The following NSUN6 variants were observed in gnomAD, a reference collection of about 807,000 sequenced individuals.
The protein encoded by NSUN6 is tRNA (cytosine(72)-C(5))-methyltransferase NSUN6.
In NSUN6, 64 loss-of-function variants were observed where a neutral mutation model predicts 58.0. The ratio of observed to expected loss-of-function variants is 1.10; its 90% CI spans 0.90 to 1.36. The LOEUF is 1.36. Among genes scored for constraint, NSUN6 ranks in the 40% most tolerant of loss-of-function variants. NSUN6 has a pLI of 0.00. For synonymous variants in NSUN6, 231 were observed against 193.9 expected (o/e 1.19, Z -1.59); for missense variants, 701 against 550.1 (o/e 1.27, Z -2.74).
intron 7 of NSUN6, among the ~76,000 whole-genome samples, chr10:18,594,954 G>T (rs146932533): frequency 6.6e-6 from 1 of 152,282 alleles, no homozygotes; most frequent in Non-Finnish European, 1.5e-5. Context: ...AGTTGGACTT[G>T]CTCTGCTTTG....
At chr10:18,565,666 ATTCCATTCCATTCTTCC>A in intron 8 of NSUN6, among the ~76,000 whole-genome samples, 1 of 147,744 alleles carries the variant, frequency 6.8e-6, no homozygotes, top group African/African-American at 2.5e-5. Flanking sequence ...TTTCCACTAC[ATTCCATTCCATTCTTCC>A]TTCCATTCCA....
In NSUN6 at chr10:18,545,783, C is replaced by T. The variant is rs886698802; in HGVS notation, c.*150G>A. The T allele has an allele frequency of 2.9e-5, 18 of 631,048 alleles. No individual in the cohort carries two copies. Among genetic ancestry groups the T allele is most frequent in the Non-Finnish European group, 5.0e-5 (18 of 363,246 alleles). 39.1% of individuals were successfully genotyped at this position (631,048 alleles called of 1,614,324 possible). A position where few individuals can be genotyped will look rare whatever the true frequency, so the allele number is the denominator to read the frequency against. ...ACCACCCCCTACTTCCTCTATGTCT[C>T]TGGATCCCTGGTAAAACAGCTGGCA... On this transcript the variant is annotated 3_prime_UTR_variant, in exon 11 of 11. Transcript: ENST00000377304.
At chr10:18,633,829 C>T (rs1036041594) in intron 3 of NSUN6, among the ~76,000 whole-genome samples, 2 of 152,172 alleles carry the variant, frequency 1.3e-5, no homozygotes, top group Admixed American at 6.5e-5. Context: ...TTGCTCCTGA[C>T]TTGAGTTAAC....
At chr10:18,566,875 C>T (rs1485540231) in intron 8 of NSUN6, among the ~76,000 whole-genome samples, 2 of 150,138 alleles carry the variant, frequency 1.3e-5, no homozygotes, top group African/African-American at 2.4e-5. Context: ...CCATTCCATT[C>T]ATTCCATTCT....
intron 8 of NSUN6, among the ~76,000 whole-genome samples, chr10:18,555,046 T>A (rs1030268440): frequency 2.0e-5 from 3 of 149,716 alleles, no homozygotes; most frequent in Non-Finnish European, 4.4e-5. Context: ...GAGAATGGAA[T>A]GGAATGGAGA....
At chr10:18,622,651 G>C (rs1007679473) in intron 3 of NSUN6, among the ~76,000 whole-genome samples, 2 of 152,216 alleles carry the variant, frequency 1.3e-5, no homozygotes, top group Non-Finnish European at 2.9e-5. Flanking sequence ...GGAAGTTGCA[G>C]TGAGCAGAGA....
chr10:18,651,906 C>A, upstream of NSUN6: 1 of 985,400 alleles, frequency 1.0e-6, no homozygotes, highest in Non-Finnish European at 1.2e-6. Context: ...TGTTGCTGGA[C>A]TGAAAAAAGG....
intron 10 of NSUN6, 112 bp from the exon 11 acceptor site, chr10:18,546,257 A>T: frequency 1.3e-6 from 1 of 786,360 alleles, no homozygotes; most frequent in Non-Finnish European, 2.3e-6. Context: ...TCTTCCAAAA[A>T]TAGAAAAATG....
Position 18,563,464 on chromosome 10 carries a change from A to T in NSUN6, c.923-11493T>A, listed in dbSNP as rs573367189. ...TGGAGAATGAAAGGGAATGAAATGG[A>T]GAACGGTATGGAATGGAGAATGGAA... On this transcript the variant is annotated intron_variant, in intron 8 of 10. Transcript: ENST00000377304. 4.7e-4 allele frequency among the ~76,000 whole-genome samples: 71 copies of T among 151,142 alleles called. 1 individual carries two copies. In the South Asian group the frequency reaches 9.4e-3, roughly 20 times the overall value.
At chr10:18,564,295 C>T (rs964231860) in intron 8 of NSUN6, among the ~76,000 whole-genome samples, 1 of 151,174 alleles carries the variant, frequency 6.6e-6, no homozygotes, top group African/African-American at 2.4e-5. Context: ...CTATTCCATT[C>T]TCCATTCCAT....
chr10:18,658,715 C>G (rs751612561), upstream of NSUN6: 2 of 936,828 alleles, frequency 2.1e-6, no homozygotes, highest in South Asian at 4.9e-5. Flanking sequence ...CTAAGAATCA[C>G]GACAGGGGCC....
intron 6 of NSUN6, among the ~76,000 whole-genome samples, chr10:18,602,241 T>G (rs1454915583): frequency 1.5e-5 from 2 of 137,742 alleles, no homozygotes; most frequent in Admixed American, 7.2e-5. Flanking sequence ...TTTTGTGGGG[T>G]TTTTTTTTTT....
At chr10:18,613,024 A>G (rs915430231) in intron 5 of NSUN6, among the ~76,000 whole-genome samples, 47 of 152,356 alleles carry the variant, frequency 3.1e-4, no homozygotes, top group African/African-American at 1.1e-3. Context: ...CATTTCTGTT[A>G]TAGCAGCCTG....
In NSUN6 at chr10:18,597,789, C is replaced by A. The variant is rs139986608; in HGVS notation, c.658-1462G>T. Among the ~76,000 whole-genome samples the A allele has an allele frequency of 2.8e-3, 427 of 152,118 alleles. 1 individual carries two copies. The highest frequency in any genetic ancestry group is 9.3e-3 in the African/African-American group (386 of 41,500). ...CTAAAAATAAATAAATAAATAAATACATACAAACATACAAAAAAACTGTGA... is the reference window on the plus strand; with the variant it reads ...CTAAAAATAAATAAATAAATAAATAAATACAAACATACAAAAAAACTGTGA... On this transcript the variant is annotated intron_variant, in intron 6 of 10. Transcript: ENST00000377304.
At chr10:18,658,535 C>T (rs759123906), upstream of NSUN6, 3 of 220,248 alleles carry the variant, frequency 1.4e-5, no homozygotes, top group East Asian at 1.8e-4. Context: ...AATTACACAG[C>T]GAATTGGCTT....
intron 3 of NSUN6, among the ~76,000 whole-genome samples, chr10:18,621,571 T>C (rs962187399): frequency 6.6e-6 from 1 of 152,168 alleles, no homozygotes; most frequent in Non-Finnish European, 1.5e-5. Flanking sequence ...TGCAAGGCCA[T>C]AAAATATGCT....
chr10:18,546,886 GAAAGA>G (rs370859419), intron 10 of NSUN6, among the ~76,000 whole-genome samples: 83 of 148,102 alleles, frequency 5.6e-4, no homozygotes, highest in South Asian at 8.5e-4. Context: ...AACAAAAAAT[GAAAGA>G]AAAGAAAAGA....
At chr10:18,566,119 C>T (rs1457945445) in intron 8 of NSUN6, among the ~76,000 whole-genome samples, 1 of 143,616 alleles carries the variant, frequency 7.0e-6, no homozygotes, top group Non-Finnish European at 1.6e-5. Flanking sequence ...TTCCATTCCA[C>T]ATTTCATTCC....
intron 3 of NSUN6, among the ~76,000 whole-genome samples, chr10:18,625,595 C>T (rs1224599231): frequency 6.6e-6 from 1 of 151,696 alleles, no homozygotes; most frequent in Admixed American, 6.6e-5. Flanking sequence ...CACCTGTAAT[C>T]CCAGCTACTC....
Sources: gnomAD v4.1 joint callset for allele counts (sites outside exome capture counted in the v4.1 genomes callset) on GRCh38, gnomAD v4.1.1 for gene constraint, MANE v1.5 for transcripts, NCBI Gene and HGNC (gene_info 2026-07-23, HGNC 2026-07-21) for gene names.